Variants in CNTNAP5 observed in about 807,000 individuals in gnomAD.
CNTNAP5 encodes the protein contactin associated protein family member 5, also known as contactin-associated protein-like 5.
CNTNAP5 carries 72 observed loss-of-function variants against 150.2 expected under a neutral mutation model. That is an observed-to-expected ratio of 0.48 (90% CI 0.40 to 0.58). The LOEUF is 0.58. Ranked by LOEUF, CNTNAP5 falls within the 20% of genes least tolerant of loss-of-function variation. The pLI is 0.00. For synonymous variants in CNTNAP5, 672 were observed against 619.8 expected, an observed-to-expected ratio of 1.08 and a Z score of -1.25; for missense variants, 1,636 against 1,626.2, an observed-to-expected ratio of 1.01 and a Z score of -0.10.
chr2:124,517,094 G>A lies in CNTNAP5; in HGVS notation c.1328-7209G>A, dbSNP rs139775174. Among the ~76,000 whole-genome samples the A allele has an allele frequency of 7.2e-5, 11 of 152,278 alleles. No homozygotes were observed. The South Asian group carries it at 1.2e-3, about 17-fold the overall frequency. ...TGTGCTGTTGGTAATGGAAGGTTGT[G>A]GCATTGATGATGGAAGGTTGTGGTA... On this transcript the variant is annotated intron_variant, in intron 8 of 23. Transcript: ENST00000682447.
chr2:124,909,331 G>A (rs560033091), intron 22 of CNTNAP5, among the ~76,000 whole-genome samples: 2 of 152,280 alleles, frequency 1.3e-5, no homozygotes, highest in South Asian at 4.1e-4. Context: ...ATGCTATACA[G>A]GCGTGTAGCC....
intron 1 of CNTNAP5, among the ~76,000 whole-genome samples, chr2:124,195,867 A>C (rs944153641): frequency 6.6e-6 from 1 of 152,090 alleles, no homozygotes; most frequent in African/African-American, 2.4e-5. Context: ...TCGGATGAGG[A>C]GCTATAATTT....
chr2:124,809,988 A>G (rs60659743), intron 19 of CNTNAP5, among the ~76,000 whole-genome samples: 2,278 of 152,310 alleles, frequency 0.015, 52 homozygotes, highest in African/African-American at 0.052. Context: ...GAAGAAAAAC[A>G]CTGGCCATTT....
intron 19 of CNTNAP5, among the ~76,000 whole-genome samples, chr2:124,848,536 A>C (rs1485385621): frequency 2.6e-5 from 4 of 152,124 alleles, no homozygotes; most frequent in Non-Finnish European, 5.9e-5. Context: ...TTGATGGATC[A>C]TATAGTAGTT....
intron 12 of CNTNAP5, among the ~76,000 whole-genome samples, chr2:124,613,054 A>G (rs1677419315): frequency 6.6e-6 from 1 of 152,184 alleles, no homozygotes; most frequent in African/African-American, 2.4e-5. Context: ...TCTGTCTCAA[A>G]TAAATAAATA....
intron 10 of CNTNAP5, among the ~76,000 whole-genome samples, chr2:124,531,505 T>C (rs1265772461): frequency 6.6e-6 from 1 of 152,156 alleles, no homozygotes; most frequent in Non-Finnish European, 1.5e-5. Context: ...TTCTGACTCA[T>C]AGGTAGGCAC....
intron 13 of CNTNAP5, among the ~76,000 whole-genome samples, chr2:124,655,359 G>C (rs1678420894): frequency 6.6e-6 from 1 of 152,062 alleles, no homozygotes; most frequent in African/African-American, 2.4e-5. Context: ...ATTCCATGGT[G>C]TATATGTGCC....
intron 10 of CNTNAP5, among the ~76,000 whole-genome samples, chr2:124,545,298 G>A (rs1695486375): frequency 6.6e-6 from 1 of 151,990 alleles, no homozygotes; most frequent in Admixed American, 6.6e-5. Flanking sequence ...CAGAGTAAGA[G>A]GTACTCTGCT....
intron 8 of CNTNAP5, among the ~76,000 whole-genome samples, chr2:124,519,390 A>G (rs1204114539): frequency 1.3e-5 from 2 of 152,238 alleles, no homozygotes; most frequent in African/African-American, 4.8e-5. Flanking sequence ...AAATAAAAGC[A>G]AAGTAGAATT....
intron 11 of CNTNAP5, among the ~76,000 whole-genome samples, chr2:124,589,185 C>G (rs1299953417): frequency 1.3e-5 from 2 of 152,088 alleles, no homozygotes; most frequent in African/African-American, 4.8e-5. Flanking sequence ...GTAAGTCATT[C>G]CTCATCTCCC....
chr2:124,573,846 T>A (rs1696218370), intron 11 of CNTNAP5, among the ~76,000 whole-genome samples: 2 of 152,178 alleles, frequency 1.3e-5, no homozygotes, highest in African/African-American at 4.8e-5. Context: ...CCTTGGTTGT[T>A]TTTGGTCTCT....
intron 1 of CNTNAP5, among the ~76,000 whole-genome samples, chr2:124,139,916 A>G (rs1684068145): frequency 1.3e-5 from 2 of 152,158 alleles, no homozygotes; most frequent in African/African-American, 4.8e-5. Context: ...CAGTGGGCGC[A>G]GGCCAGTGTG....
intron 13 of CNTNAP5, among the ~76,000 whole-genome samples, chr2:124,730,653 A>C (rs1680251337): frequency 6.6e-6 from 1 of 152,176 alleles, no homozygotes; most frequent in East Asian, 1.9e-4. Flanking sequence ...TAGTTTTATA[A>C]GACACAAAGT....
chr2:124,882,072 G>A (rs186744310), intron 21 of CNTNAP5, among the ~76,000 whole-genome samples: 22 of 152,176 alleles, frequency 1.4e-4, no homozygotes, highest in African/African-American at 4.8e-4. Context: ...AGGAAAACCA[G>A]CACAGCCTGT....
intron 3 of CNTNAP5, among the ~76,000 whole-genome samples, chr2:124,356,279 A>G (rs763480133): frequency 7.2e-5 from 11 of 152,024 alleles, no homozygotes; most frequent in Non-Finnish European, 1.5e-4. Context: ...ATGCTTTGAC[A>G]GATGTGGATC....
chr2:124,647,559 T>C (rs1678229092), intron 12 of CNTNAP5, among the ~76,000 whole-genome samples, 199 bp from the exon 13 acceptor site: 1 of 152,204 alleles, frequency 6.6e-6, no homozygotes, highest in African/African-American at 2.4e-5. Flanking sequence ...GCTCCGCAAA[T>C]TGAGCTCTTA....
At position 124,647,862 on chromosome 2, in the gene CNTNAP5, A is replaced by C. The variant is rs375281340; in HGVS notation, c.1981A>C (p.Ser661Arg). ...TGCCATGGCCTTGGACTACGGGGGC[A>C]GCATGGAACAGCTGGAGGCCGTGAT... ...PYAMALDYGG[S>R]MEQLEAVIDG... Residue 661 changes from serine to arginine, a missense_variant, in exon 13 of 24, where the codon AGC (serine) becomes CGC (arginine). Coordinates refer to ENST00000682447, the MANE Select transcript of CNTNAP5 (RefSeq NM_001367498.1). The C allele has an allele frequency of 1.9e-6, 3 of 1,613,296 alleles. No individual in the cohort carries two copies. The highest frequency in any genetic ancestry group is 4.5e-5 in the East Asian group (2 of 44,840).
chr2:124,231,308 T>C (rs1036265188), intron 2 of CNTNAP5, among the ~76,000 whole-genome samples: 3 of 152,178 alleles, frequency 2.0e-5, no homozygotes, highest in Non-Finnish European at 4.4e-5. Flanking sequence ...ACTTTTGTTC[T>C]TCATTTCTGT....
chr2:124,824,753 C>G (rs1682559136), intron 19 of CNTNAP5, among the ~76,000 whole-genome samples: 1 of 152,136 alleles, frequency 6.6e-6, no homozygotes, highest in African/African-American at 2.4e-5. Flanking sequence ...AAACAAGAAA[C>G]AGAAGGCTTC....
Sources: gnomAD v4.1 joint callset for allele counts (sites outside exome capture counted in the v4.1 genomes callset) on GRCh38, gnomAD v4.1.1 for gene constraint, MANE v1.5 for transcripts, NCBI Gene and HGNC (gene_info 2026-07-23, HGNC 2026-07-21) for gene names.